Variants in PDS5A observed in about 807,000 individuals in gnomAD.
PDS5A encodes PDS5 cohesin associated factor A, also known as sister chromatid cohesion protein PDS5 homolog A.
Under a neutral mutation model 167.1 loss-of-function variants are expected in PDS5A, and 42 were observed. The ratio of observed to expected loss-of-function variants is 0.25; its 90% CI spans 0.20 to 0.33. The LOEUF (loss-of-function observed/expected upper bound fraction) is 0.33, where lower values mean the gene tolerates loss of function less well. Among genes scored for constraint, PDS5A ranks in the 10% least tolerant of loss-of-function variants. PDS5A has a pLI of 1.00. For synonymous variants in PDS5A, 553 were observed against 554.6 expected (o/e 1.00, Z 0.04); for missense variants, 1,033 against 1,605.9 (o/e 0.64, Z 6.10).
chr4:39,860,752 A>G lies in PDS5A; in HGVS notation c.3086+1467T>C, dbSNP rs1423137487. Among the ~76,000 whole-genome samples the G allele has an allele frequency of 2.6e-5, 4 of 152,244 alleles. No individual in the cohort carries two copies. In the East Asian group the frequency reaches 7.8e-4, roughly 30 times the overall value. On this transcript the variant is annotated intron_variant, in intron 26 of 32. Transcript: ENST00000303538. ...AGCCAAGCCCAGAGACAAATATCGC[A>G]TGGTCTCACTCATATGTGGGCACTG...
chr4:39,903,653 A>T (rs1162414340), intron 12 of PDS5A, among the ~76,000 whole-genome samples: 1 of 152,194 alleles, frequency 6.6e-6, no homozygotes, highest in Non-Finnish European at 1.5e-5. Context: ...ATTTTATTTA[A>T]TCTACATGAT....
chr4:39,913,845 A>G, intron 8 of PDS5A, 119 bp from the exon 9 acceptor site: 2 of 651,254 alleles, frequency 3.1e-6, no homozygotes, highest in Non-Finnish European at 5.5e-6. Flanking sequence ...TGAGAAGTTT[A>G]AAATATCATA....
At chr4:39,960,512 C>T (rs1042987132) in intron 2 of PDS5A, among the ~76,000 whole-genome samples, 3 of 151,924 alleles carry the variant, frequency 2.0e-5, no homozygotes, top group Non-Finnish European at 4.4e-5. Flanking sequence ...CTTCATTATG[C>T]TTATGTTCAA....
intron 2 of PDS5A, among the ~76,000 whole-genome samples, chr4:39,931,924 C>T (rs796552840): frequency 1.8e-4 from 27 of 146,672 alleles, no homozygotes; most frequent in African/African-American, 6.6e-4. Context: ...CAGAGTCTTG[C>T]TCTGTCGCCC....
In PDS5A at chr4:39,898,082, C is replaced by T. The variant is rs974509806; in HGVS notation, c.1770+307G>A. The T allele has an allele frequency of 1.2e-5, 13 of 1,074,316 alleles. No individual in the cohort carries two copies. In the Admixed American group the frequency reaches 6.7e-4, roughly 55 times the overall value. The allele number at this position is 1,074,316 out of a possible 1,614,324, so 66.5% of individuals were successfully genotyped here. On this transcript the variant is annotated intron_variant, in intron 16 of 32. Coordinates refer to ENST00000303538, the MANE Select transcript of PDS5A (RefSeq NM_001100399.2). ...CTAATACATGAAAGAAGAAAATGCA[C>T]ATGTACACAAGCATTCAGAAAATAC...
intron 2 of PDS5A, chr4:39,932,776 G>C (rs1726201771): frequency 6.5e-6 from 1 of 152,738 alleles, no homozygotes; most frequent in Non-Finnish European, 1.5e-5. Flanking sequence ...GTTGCAGTGA[G>C]CTGAGATCAC....
intron 17 of PDS5A, among the ~76,000 whole-genome samples, chr4:39,888,969 T>C (rs1351451743): frequency 1.3e-5 from 2 of 152,232 alleles, no homozygotes; most frequent in Non-Finnish European, 2.9e-5. Context: ...TCACAAATTG[T>C]ATAAATGTAT....
At chr4:39,885,099 T>C (rs189696693) in intron 17 of PDS5A, among the ~76,000 whole-genome samples, 21 of 148,096 alleles carry the variant, frequency 1.4e-4, no homozygotes, top group Non-Finnish European at 2.7e-4. Flanking sequence ...CCTGCTCTAC[T>C]AAAAATACAA....
In PDS5A at chr4:39,976,517, C is replaced by G. The variant is rs1176786048; in HGVS notation, c.61G>C (p.Gly21Arg). The G allele has an allele frequency of 6.2e-7, 1 of 1,613,486 alleles. No individual in the cohort carries two copies. Among genetic ancestry groups the G allele is most frequent in the Non-Finnish European group, 8.5e-7 (1 of 1,179,502 alleles). ...TALCGVVSAD[G>R]KIAYPPGVKE... ...ACCCCCGGAGGGTAAGCGATCTTCC[C>G]GTCGGCACTCACGACGCCACAGAGG... is the stretch of plus-strand genomic sequence containing the variant. Residue 21 changes from glycine (G) to arginine (R), a missense_variant, in exon 2 of 33, where the codon GGG becomes CGG. By Grantham distance (125) the Gly-to-Arg change is moderately radical. Around this residue, in one of 4 missense-constraint regions of PDS5A, gnomAD observed 388 missense variants for 615.1 expected, o/e 0.63. Transcript: ENST00000303538.
At chr4:39,833,187 G>A (rs1217691219) in intron 32 of PDS5A, among the ~76,000 whole-genome samples, 39 of 33,746 alleles carry the variant, frequency 1.2e-3, no homozygotes, top group Admixed American at 5.6e-3. Context: ...GTGAAACTCC[G>A]TCTCAAAAAA....
chr4:39,940,520 T>A (rs1727125456), intron 2 of PDS5A, among the ~76,000 whole-genome samples: 1 of 152,210 alleles, frequency 6.6e-6, no homozygotes, highest in Admixed American at 6.5e-5. Flanking sequence ...TACATAAGAA[T>A]CTCAGGTTCT....
chr4:39,861,469 AAG>A lies in PDS5A; in HGVS notation c.3086+748_3086+749del, dbSNP rs572675889. 5.5e-4 allele frequency among the ~76,000 whole-genome samples: 83 copies of A among 152,284 alleles called. 1 individual carries two copies. In the South Asian group the frequency reaches 7.3e-3, roughly 13 times the overall value. On this transcript the variant is annotated intron_variant, in intron 26 of 32. Coordinates refer to ENST00000303538, the MANE Select transcript of PDS5A (RefSeq NM_001100399.2). The stretch of plus-strand genomic sequence containing the variant: ...CAAGACTCCATCTCGGAAAAAAATA[AAG>A]AGAGAGAGACTGGTTAATGGGTACA...
At chr4:39,888,402 T>G (rs1207740485) in intron 17 of PDS5A, among the ~76,000 whole-genome samples, 1 of 151,936 alleles carries the variant, frequency 6.6e-6, no homozygotes, top group African/African-American at 2.4e-5. Context: ...CTCAAAAAAC[T>G]AAAACTGGAT....
At chr4:39,838,495 G>C (rs1040428004) in intron 31 of PDS5A, among the ~76,000 whole-genome samples, 1 of 152,186 alleles carries the variant, frequency 6.6e-6, no homozygotes, top group Non-Finnish European at 1.5e-5. Flanking sequence ...GCTAAAGCGG[G>C]AGGATCGCTT....
At chr4:39,963,037 A>G (rs887885088) in intron 2 of PDS5A, among the ~76,000 whole-genome samples, 7 of 151,916 alleles carry the variant, frequency 4.6e-5, no homozygotes, top group Non-Finnish European at 1.0e-4. Context: ...AAAAAAAATC[A>G]GGCCGACCTG....
At chr4:39,905,769 C>T (rs1004772160) in intron 11 of PDS5A, among the ~76,000 whole-genome samples, 9 of 151,090 alleles carry the variant, frequency 6.0e-5, no homozygotes, top group African/African-American at 2.2e-4. Flanking sequence ...AGACTCAATG[C>T]CTCTGACGAA....
chr4:39,894,683 A>G (rs1470841143), intron 16 of PDS5A, among the ~76,000 whole-genome samples: 2 of 152,184 alleles, frequency 1.3e-5, no homozygotes. Context: ...AAGTTATTTT[A>G]AAACCATCAA....
Position 39,922,759 on chromosome 4 carries a change from A to AG in PDS5A, c.528-12_528-11insC. ...TTATTGTGGCTATTGCTATAAAAAAAAAAAAAAAAGAATAAGTAGTAGGAG... is the reference window on the plus strand; with the variant it reads ...TTATTGTGGCTATTGCTATAAAAAAAGAAAAAAAAAGAATAAGTAGTAGGAG... On this transcript the variant is annotated splice_polypyrimidine_tract_variant and intron_variant, in intron 5 of 32. Coordinates refer to ENST00000303538, the MANE Select transcript of PDS5A (RefSeq NM_001100399.2). 6.8e-7 allele frequency: 1 copy of AG among 1,479,334 alleles called. No individual in the cohort carries two copies. The highest frequency in any genetic ancestry group is 9.0e-7 in the Non-Finnish European group (1 of 1,114,160). 91.6% of individuals were successfully genotyped at this position (1,479,334 alleles called of 1,614,324 possible). A position where few individuals can be genotyped will look rare whatever the true frequency, so the allele number is the denominator to read the frequency against.
chr4:39,838,074 G>T lies in PDS5A; in HGVS notation c.3792C>A (p.Ala1264=), dbSNP rs1407367990. The T allele has an allele frequency of 1.2e-6, 2 of 1,613,976 alleles. No homozygotes were observed. The highest frequency in any genetic ancestry group is 1.7e-6 in the Non-Finnish European group (2 of 1,179,876). ...DEKVDESGPP[A]PSKPRRGRRP... ...GACGTCCTCTCCTGGGTTTGGAAGGGGCGGGAGGTCCCGATTCATCTACTT... is the reference window on the plus strand; with the variant it reads ...GACGTCCTCTCCTGGGTTTGGAAGGTGCGGGAGGTCCCGATTCATCTACTT... The change falls in exon 32 of 33, where the codon GCC becomes GCA. Residue 1264 remains alanine (A), a synonymous_variant. Transcript: ENST00000303538.
Sources: allele counts gnomAD v4.1 joint callset (sites outside exome capture counted in the v4.1 genomes callset), GRCh38; gene constraint gnomAD v4.1.1; regional missense constraint gnomAD v4.1.1; transcripts MANE v1.5; gene names NCBI Gene and HGNC (gene_info 2026-07-23, HGNC 2026-07-21).